Variants in STX8 observed in about 807,000 individuals in gnomAD.
STX8 encodes syntaxin-8.
In STX8, 23 loss-of-function variants were observed where a neutral mutation model predicts 37.5. The observed-to-expected ratio is 0.61, with a 90% confidence interval of 0.44 to 0.87. STX8 has a LOEUF of 0.87. Among genes scored for constraint, STX8 ranks in the 40% least tolerant of loss-of-function variants. The pLI, the probability that STX8 is intolerant of heterozygous loss-of-function variation, is 0.00. For synonymous variants in STX8, 115 were observed against 99.1 expected (o/e 1.16, Z -0.95); for missense variants, 313 against 284.7 (o/e 1.10, Z -0.71).
intron 6 of STX8, chr17:9,437,808 C>CT (rs1242754437): frequency 6.6e-6 from 1 of 152,222 alleles, no homozygotes; most frequent in African/African-American, 2.4e-5. Context: ...AGGCCGGCCA[C>CT]TTTCCCAGTC....
Position 9,308,621 on chromosome 17 carries a change from G to T in STX8, c.644-57976C>A, listed in dbSNP as rs111382955. Among the ~76,000 whole-genome samples, 1,393 of 151,792 alleles carry T rather than the reference G, an allele frequency of 9.2e-3. 19 individuals carry two copies. The highest frequency in any genetic ancestry group is 0.032 in the African/African-American group (1,331 of 41,382). On this transcript the variant is annotated intron_variant, in intron 7 of 7. Coordinates refer to ENST00000306357, the MANE Select transcript of STX8 (RefSeq NM_004853.3). The stretch of plus-strand genomic sequence containing the variant: ...GCCTGTAGTCCCAGCTACTTCGGAG[G>T]CTGAGGCGGGAGAATTGCTTGAACC...
intron 3 of STX8, among the ~76,000 whole-genome samples, chr17:9,550,998 C>T (rs1906738696): frequency 6.6e-6 from 1 of 152,160 alleles, no homozygotes; most frequent in Non-Finnish European, 1.5e-5. Flanking sequence ...TCGCTTGAAC[C>T]TGTGAGGCGG....
intron 7 of STX8, among the ~76,000 whole-genome samples, chr17:9,307,201 T>TG (rs1909027855): frequency 6.6e-6 from 1 of 152,218 alleles, no homozygotes; most frequent in Admixed American, 6.5e-5. Context: ...TCAGTGCCAC[T>TG]GTGCTGCATC....
At chr17:9,278,779 G>A (rs1907773985) in intron 7 of STX8, among the ~76,000 whole-genome samples, 1 of 152,150 alleles carries the variant, frequency 6.6e-6, no homozygotes, top group Admixed American at 6.5e-5. Context: ...GCGGAGAGCA[G>A]GGGAGGGAGA....
intron 7 of STX8, among the ~76,000 whole-genome samples, chr17:9,342,232 C>T (rs924881350): frequency 1.3e-5 from 2 of 152,092 alleles, no homozygotes; most frequent in African/African-American, 4.8e-5. Context: ...TGGTAATGCT[C>T]GCTCAACCAC....
chr17:9,345,534 T>A (rs939375174), intron 7 of STX8, among the ~76,000 whole-genome samples: 12 of 152,182 alleles, frequency 7.9e-5, no homozygotes, highest in African/African-American at 2.9e-4. Context: ...CACAATTAAA[T>A]AATTTCACAG....
intron 7 of STX8, among the ~76,000 whole-genome samples, chr17:9,286,682 G>C (rs113458134): frequency 9.7e-5 from 12 of 123,640 alleles, no homozygotes; most frequent in African/African-American, 3.5e-4. Context: ...GGAACAAAGG[G>C]AAGCAAAAAA....
At chr17:9,431,560 G>A (rs1393754866) in intron 6 of STX8, among the ~76,000 whole-genome samples, 1 of 152,196 alleles carries the variant, frequency 6.6e-6, no homozygotes. Flanking sequence ...CTCTGAAAGT[G>A]CTGGGATTAC....
chr17:9,279,999 T>C (rs770318835), intron 7 of STX8, among the ~76,000 whole-genome samples: 1 of 152,138 alleles, frequency 6.6e-6, no homozygotes, highest in Non-Finnish European at 1.5e-5. Flanking sequence ...CTTCGGTGGA[T>C]CACTTGAGCC....
At chr17:9,441,301 C>G (rs893532651) in intron 6 of STX8, among the ~76,000 whole-genome samples, 3 of 151,826 alleles carry the variant, frequency 2.0e-5, no homozygotes, top group Non-Finnish European at 2.9e-5. Context: ...ACCATCCTGG[C>G]CAACATGATG....
chr17:9,510,461 T>C (rs1269383808), intron 4 of STX8, among the ~76,000 whole-genome samples: 1 of 151,936 alleles, frequency 6.6e-6, no homozygotes, highest in Non-Finnish European at 1.5e-5. Context: ...ATCAATAACA[T>C]GAGGAACATG....
chr17:9,543,494 G>A (rs944121577), intron 4 of STX8, among the ~76,000 whole-genome samples: 1 of 152,030 alleles, frequency 6.6e-6, no homozygotes. Context: ...TAGTAGAGAT[G>A]GCATTTCACC....
chr17:9,263,686 T>C lies in STX8; in HGVS notation c.644-13041A>G, dbSNP rs147203535. On this transcript the variant is annotated intron_variant, in intron 7 of 7. Transcript: ENST00000306357. The stretch of plus-strand genomic sequence containing the variant: ...AAAAGGAATGCTGCAGTAAACATCT[T>C]TGAACATAAACCTTTGTGCACGTGT... 4.1e-3 allele frequency among the ~76,000 whole-genome samples: 622 copies of C among 152,322 alleles called. 6 individuals carry two copies. The highest frequency in any genetic ancestry group is 0.014 in the African/African-American group (589 of 41,574).
chr17:9,276,431 A>G (rs536858601), intron 7 of STX8, among the ~76,000 whole-genome samples: 1 of 152,232 alleles, frequency 6.6e-6, no homozygotes, highest in Non-Finnish European at 1.5e-5. Flanking sequence ...CTACAGATGT[A>G]TGTGCTTTAA....
intron 6 of STX8, among the ~76,000 whole-genome samples, chr17:9,446,731 C>T (rs919469520): frequency 3.3e-5 from 5 of 152,136 alleles, no homozygotes; most frequent in African/African-American, 1.2e-4. Context: ...ATAGCACTTC[C>T]TAATGAAATG....
intron 6 of STX8, among the ~76,000 whole-genome samples, chr17:9,491,362 GT>G (rs1184925799): frequency 6.6e-6 from 1 of 152,060 alleles, no homozygotes; most frequent in Non-Finnish European, 1.5e-5. Context: ...CCTGCTTGCA[GT>G]TTGCAAATTC....
intron 6 of STX8, among the ~76,000 whole-genome samples, chr17:9,430,174 TTATA>T (rs1291028410): frequency 1.7e-5 from 2 of 118,652 alleles, no homozygotes; most frequent in African/African-American, 6.8e-5. Context: ...TATATATAAT[TTATA>T]TATAAATAAA....
intron 7 of STX8, among the ~76,000 whole-genome samples, chr17:9,304,758 T>C (rs191723025): frequency 1.1e-4 from 17 of 152,030 alleles, no homozygotes; most frequent in African/African-American, 3.4e-4. Flanking sequence ...ATACAATGCT[T>C]TTGGGAGTAT....
chr17:9,419,563 A>G (rs1232609839), intron 6 of STX8, among the ~76,000 whole-genome samples: 2 of 152,228 alleles, frequency 1.3e-5, no homozygotes, highest in Non-Finnish European at 2.9e-5. Context: ...AACAAATGGG[A>G]GGTAGATATT....
Sources: gnomAD v4.1 joint callset for allele counts (sites outside exome capture counted in the v4.1 genomes callset) on GRCh38, gnomAD v4.1.1 for gene constraint, MANE v1.5 for transcripts, NCBI Gene and HGNC (gene_info 2026-07-23, HGNC 2026-07-21) for gene names.